Variants in LMAN1 observed in about 807,000 individuals in gnomAD.
LMAN1 encodes lectin, mannose binding 1, also known as protein ERGIC-53.
Under a neutral mutation model 67.8 loss-of-function variants are expected in LMAN1, and 32 were observed. The observed-to-expected ratio is 0.47, with a 90% CI of 0.36 to 0.63. LMAN1 has a LOEUF of 0.63. Among genes scored for constraint, LMAN1 ranks in the 30% least tolerant of loss-of-function variants. LMAN1 has a pLI of 0.00. For missense variants in LMAN1, 632 were observed against 628.2 expected (o/e 1.01, Z -0.06); for synonymous variants, 235 against 219.3 (o/e 1.07, Z -0.63).
At chr18:59,347,965 C>A (rs998853850) in intron 6 of LMAN1, among the ~76,000 whole-genome samples, 2 of 152,258 alleles carry the variant, frequency 1.3e-5, no homozygotes, top group Non-Finnish European at 2.9e-5. Context: ...ACGTCCCAGA[C>A]AAATGAGAGA....
chr18:59,344,550 A>G (rs1336383536), intron 8 of LMAN1, among the ~76,000 whole-genome samples: 2 of 152,146 alleles, frequency 1.3e-5, no homozygotes, highest in Non-Finnish European at 2.9e-5. Context: ...CCCAAGTGAA[A>G]TGACTTAGAA....
In LMAN1 at chr18:59,358,713, G is replaced by A. The variant is rs1015516873; in HGVS notation, c.214+318C>T. ...AAACATGATACCTAGAAGCAAGTTT[G>A]AGTGCTAGGAAGTGTAGGAGGTAAC... On this transcript the variant is annotated intron_variant, in intron 1 of 12. Coordinates refer to ENST00000251047, the MANE Select transcript of LMAN1 (RefSeq NM_005570.4). Among the ~76,000 whole-genome samples, 3 of 152,124 alleles carry A rather than the reference G, an allele frequency of 2.0e-5. No homozygotes were observed. The South Asian group carries it at 6.2e-4, about 32-fold the overall frequency.
chr18:59,333,315 T>C (rs2070760513), intron 10 of LMAN1, 71 bp from the exon 11 acceptor site: 4 of 1,171,434 alleles, frequency 3.4e-6, no homozygotes, highest in African/African-American at 1.6e-5. Flanking sequence ...AGATCTCCAA[T>C]ACTTTTACTT....
At chr18:59,357,731 T>C (rs1168002364) in intron 1 of LMAN1, among the ~76,000 whole-genome samples, 1 of 152,178 alleles carries the variant, frequency 6.6e-6, no homozygotes, top group Non-Finnish European at 1.5e-5. Context: ...GGGTGCTTCC[T>C]ATTCAGTAAT....
chr18:59,347,433 A>G (rs1021225375), intron 7 of LMAN1, 80 bp downstream of exon 7: 1 of 982,274 alleles, frequency 1.0e-6, no homozygotes, highest in Non-Finnish European at 1.6e-6. Flanking sequence ...ACAAGATCCA[A>G]ACCTAAGTTA....
chr18:59,336,869 G>A (rs908042521), intron 10 of LMAN1, among the ~76,000 whole-genome samples: 3 of 151,974 alleles, frequency 2.0e-5, no homozygotes, highest in African/African-American at 4.8e-5. Flanking sequence ...GGGCAACAGA[G>A]CTAGACCCTG....
chr18:59,333,753 G>A (rs1000055889), intron 10 of LMAN1: 2 of 151,580 alleles, frequency 1.3e-5, no homozygotes, highest in Non-Finnish European at 2.9e-5. Context: ...GATTTCCTAC[G>A]AGTGCATTCA....
intron 10 of LMAN1, among the ~76,000 whole-genome samples, chr18:59,336,271 G>A (rs1227339353): frequency 6.6e-6 from 1 of 152,148 alleles, no homozygotes; most frequent in East Asian, 1.9e-4. Flanking sequence ...AAAGGAACCA[G>A]GGCTCACTGA....
At chr18:59,339,445 A>G (rs1908237394) in intron 8 of LMAN1, among the ~76,000 whole-genome samples, 1 of 152,162 alleles carries the variant, frequency 6.6e-6, no homozygotes, top group Admixed American at 6.5e-5. Context: ...GGGAAACAGT[A>G]AGAGAGAAAA....
intron 3 of LMAN1, among the ~76,000 whole-genome samples, chr18:59,354,980 T>C (rs1419096991): frequency 6.6e-6 from 1 of 152,212 alleles, no homozygotes; most frequent in East Asian, 1.9e-4. Flanking sequence ...TGTAAGTGTT[T>C]AGTAGAGTCT....
At position 59,331,484 on chromosome 18, in the gene LMAN1, G is replaced by A. The variant is rs1423971473; in HGVS notation, c.1430C>T (p.Ser477Phe). Residue 477 changes from serine (S) to phenylalanine (F), a missense_variant, in exon 12 of 13, where the codon TCT becomes TTT. Physicochemically the swap from Ser to Phe is radical, Grantham distance 155. Transcript: ENST00000251047. The part of the protein sequence containing the change: ...PELPPFPSCL[S>F]TVHFIIFVVV... The stretch of plus-strand genomic sequence containing the variant: ...AACAAATATAATGAAGTGGACCGTA[G>A]ACAAACATGATGGAAATGGTGGTAG... 6.2e-7 allele frequency: 1 copy of A among 1,611,530 alleles called. No homozygotes were observed. Among genetic ancestry groups the A allele is most frequent in the Non-Finnish European group, 8.5e-7 (1 of 1,177,952 alleles).
At chr18:59,356,551 G>A (rs1174252884) in intron 1 of LMAN1, among the ~76,000 whole-genome samples, 2 of 152,140 alleles carry the variant, frequency 1.3e-5, no homozygotes, top group Admixed American at 6.5e-5. Context: ...CCCATGCTGG[G>A]AAATACAACT....
chr18:59,343,484 G>A (rs12958229), intron 8 of LMAN1, among the ~76,000 whole-genome samples: 109,509 of 151,914 alleles, frequency 0.72, 39,734 homozygotes, highest in African/African-American at 0.8. Flanking sequence ...CAGAGGACCA[G>A]GAAATAAACC....
intron 7 of LMAN1, 33 bp downstream of exon 7, chr18:59,347,480 T>C: frequency 6.5e-7 from 1 of 1,532,254 alleles, no homozygotes; most frequent in Non-Finnish European, 9.0e-7. Context: ...CAAACTAAAC[T>C]GATAAAGTTT....
intron 8 of LMAN1, 67 bp from the exon 9 acceptor site, chr18:59,339,020 G>A: frequency 7.2e-7 from 1 of 1,396,520 alleles, no homozygotes; most frequent in Non-Finnish European, 1.0e-6. Context: ...AATAACGTAA[G>A]TGACCAAAGT....
At chr18:59,336,100 T>C (rs1303420178) in intron 10 of LMAN1, among the ~76,000 whole-genome samples, 4 of 152,180 alleles carry the variant, frequency 2.6e-5, no homozygotes, top group South Asian at 2.1e-4. Flanking sequence ...CAAGAGTAGG[T>C]TGACAGACAC....
chr18:59,356,244 T>C (rs969656068), intron 1 of LMAN1, among the ~76,000 whole-genome samples: 3 of 152,158 alleles, frequency 2.0e-5, no homozygotes, highest in Non-Finnish European at 4.4e-5. Flanking sequence ...TCAACTGAAC[T>C]TCAAAAAGCA....
Position 59,338,840 on chromosome 18 carries a change from C to G in LMAN1, c.1069G>C (p.Asp357His). 1 of 1,613,978 alleles carries G rather than the reference C, an allele frequency of 6.2e-7. No individual in the cohort carries two copies. ...QLNRQLDMIL[D>H]EQRRYVSSLT... is the part of the protein sequence containing the mutation. ...GAAGAGACATATCTTCTCTGTTCAT[C>G]AAGAATCATATCTAACTGCCGGTTC... is the stretch of plus-strand genomic sequence containing the variant. Residue 357 changes from aspartate (D) to histidine (H), a missense_variant, in exon 9 of 13, where the codon GAT (aspartate) becomes CAT (histidine). Asp to His is a moderately conservative substitution (Grantham distance 81). Transcript: ENST00000251047.
intron 10 of LMAN1, among the ~76,000 whole-genome samples, chr18:59,334,328 A>C (rs866652903): frequency 6.6e-6 from 1 of 152,216 alleles, no homozygotes; most frequent in Admixed American, 6.5e-5. Context: ...GAGCCAGGGA[A>C]TATTAGGGAT....
Sources: gnomAD v4.1 joint callset for allele counts (sites outside exome capture counted in the v4.1 genomes callset) on GRCh38, gnomAD v4.1.1 for gene constraint, MANE v1.5 for transcripts, NCBI Gene and HGNC (gene_info 2026-07-23, HGNC 2026-07-21) for gene names.